Variants in VCF2 observed in about 807,000 individuals in gnomAD.
The protein encoded by VCF2 is protein VCF2.
At chrX:55,149,548 G>A in the VCF2 span, among the ~76,000 whole-genome samples, 1 of 111,138 alleles carries the variant, frequency 9.0e-6, no homozygotes, top group Non-Finnish European at 1.9e-5. Flanking sequence ...GGACTATCAT[G>A]GAAGAGGTGG....
the VCF2 span, chrX:55,159,086 T>C: frequency 1.0e-6 from 1 of 987,390 alleles, no homozygotes. Flanking sequence ...TAATTTAGTG[T>C]AGGCAATGAA....
the VCF2 span, among the ~76,000 whole-genome samples, chrX:55,156,243 C>T: frequency 2.2e-4 from 25 of 111,867 alleles, no homozygotes; most frequent in South Asian, 3.7e-4. Flanking sequence ...TGAGCCACTG[C>T]GCCTGGCCCA....
the VCF2 span, among the ~76,000 whole-genome samples, chrX:55,146,625 C>T: frequency 4.5e-5 from 5 of 111,906 alleles, no homozygotes; most frequent in African/African-American, 1.3e-4. Flanking sequence ...CTTGCTTGTA[C>T]GATTTATTCC....
chrX:55,151,584 G>A, the VCF2 span, among the ~76,000 whole-genome samples: 1 of 112,308 alleles, frequency 8.9e-6, no homozygotes, highest in Admixed American at 9.4e-5. Context: ...CAAATACTCA[G>A]GCAAAGTATA....
the VCF2 span, among the ~76,000 whole-genome samples, chrX:55,151,673 AAT>A: frequency 2.7e-5 from 3 of 111,716 alleles, no homozygotes; most frequent in African/African-American, 9.8e-5. Context: ...AGAGAGAAAA[AAT>A]ATGTTTCAAA....
chrX:55,143,652 G>C, the VCF2 span: 1 of 442,816 alleles, frequency 2.3e-6, no homozygotes, highest in Non-Finnish European at 4.0e-6. Flanking sequence ...TGCAGGAAAT[G>C]AGTGAGTTTC....
the VCF2 span, among the ~76,000 whole-genome samples, chrX:55,160,477 T>C: frequency 8.9e-6 from 1 of 112,758 alleles, no homozygotes; most frequent in Non-Finnish European, 1.9e-5. Flanking sequence ...GTTAATCTCA[T>C]TTTTTAAAAT....
the VCF2 span, chrX:55,161,143 G>A: frequency 3.3e-6 from 4 of 1,208,506 alleles, no homozygotes; most frequent in Non-Finnish European, 4.5e-6. Context: ...TTACCGTACA[G>A]GGCAGCCTCC....
the VCF2 span, among the ~76,000 whole-genome samples, chrX:55,154,236 C>G: frequency 3.6e-5 from 4 of 111,789 alleles, no homozygotes; most frequent in Non-Finnish European, 7.5e-5. Flanking sequence ...GATCCTCCTG[C>G]CTCAGCCTCC....
At chrX:55,152,126 C>T in the VCF2 span, among the ~76,000 whole-genome samples, 5 of 109,541 alleles carry the variant, frequency 4.6e-5, no homozygotes, top group Admixed American at 9.7e-5. Flanking sequence ...CTCCTGACCT[C>T]GTGATCCGCC....
chrX:55,144,599 TG>T, the VCF2 span, among the ~76,000 whole-genome samples: 1 of 111,794 alleles, frequency 8.9e-6, no homozygotes, highest in Non-Finnish European at 1.9e-5. Flanking sequence ...AATGTGTGTG[TG>T]TGTGTGTGTG....
chrX:55,159,280 G>A, the VCF2 span: 1 of 1,017,169 alleles, frequency 9.8e-7, no homozygotes. Context: ...CTGATCTTTT[G>A]GATGCTTAAA....
the VCF2 span, among the ~76,000 whole-genome samples, chrX:55,151,792 G>A: frequency 9.1e-6 from 1 of 110,133 alleles, no homozygotes; most frequent in Non-Finnish European, 1.9e-5. Context: ...CTGGCTACAA[G>A]TCTCCAAAAA....
At chrX:55,158,624 T>C in the VCF2 span, among the ~76,000 whole-genome samples, 1 of 111,852 alleles carries the variant, frequency 8.9e-6, no homozygotes, top group Non-Finnish European at 1.9e-5. Flanking sequence ...ACACATTATA[T>C]ACAGGTATCA....
the VCF2 span, among the ~76,000 whole-genome samples, chrX:55,157,245 A>G: frequency 8.9e-6 from 1 of 112,503 alleles, no homozygotes; most frequent in Non-Finnish European, 1.9e-5. Context: ...AAAAAATTTC[A>G]CCAAAGCCGG....
the VCF2 span, chrX:55,143,549 T>C: frequency 4.0e-6 from 1 of 251,050 alleles, no homozygotes; most frequent in Non-Finnish European, 7.2e-6. Flanking sequence ...ATAGCTTTCT[T>C]GGGGAAGAAA....
chrX:55,151,046 T>C, the VCF2 span, among the ~76,000 whole-genome samples: 1 of 112,687 alleles, frequency 8.9e-6, no homozygotes, highest in Non-Finnish European at 1.9e-5. Flanking sequence ...TAATATTGGG[T>C]TAACTATGTT....
At chrX:55,145,312 C>T in the VCF2 span, 1 of 746,341 alleles carries the variant, frequency 1.3e-6, no homozygotes, top group Non-Finnish European at 1.6e-6. Context: ...TTGTTTAAGA[C>T]AAAATATTAC....
the VCF2 span, chrX:55,145,848 C>T: frequency 7.7e-6 from 7 of 907,694 alleles, no homozygotes; most frequent in Admixed American, 3.9e-4. Context: ...ATGAAATTGA[C>T]ACTCAACTTG....
Sources: allele counts gnomAD v4.1 joint callset (sites outside exome capture counted in the v4.1 genomes callset), GRCh38; gene constraint gnomAD v4.1.1; transcripts MANE v1.5; gene names NCBI Gene and HGNC (gene_info 2026-07-23, HGNC 2026-07-21).